The following STXBP4 variants were observed in gnomAD, a reference collection of about 807,000 sequenced individuals.
STXBP4 encodes the protein syntaxin binding protein 4.
A neutral mutation model predicts 76.1 loss-of-function variants in STXBP4; 55 were observed. That is an observed-to-expected ratio of 0.72 (90% CI 0.58 to 0.91). The LOEUF (loss-of-function observed/expected upper bound fraction) is 0.91. Ranked by LOEUF, STXBP4 falls within the 40% of genes least tolerant of loss-of-function variation. The pLI, the probability that STXBP4 is intolerant of heterozygous loss-of-function variation, is 0.00. For synonymous variants in STXBP4, 201 were observed against 220.2 expected (o/e 0.91, Z 0.77); for missense variants, 618 against 636.9 (o/e 0.97, Z 0.32).
chr17:55,200,167 A>T, the STXBP4 span, among the ~76,000 whole-genome samples: 2 of 152,212 alleles, frequency 1.3e-5, no homozygotes, highest in African/African-American at 4.8e-5. Flanking sequence ...GTAGAGCTTA[A>T]GTTACCTTTG....
intron 9 of STXBP4, among the ~76,000 whole-genome samples, chr17:55,033,426 C>G (rs2078545376): frequency 6.6e-6 from 1 of 152,028 alleles, no homozygotes; most frequent in South Asian, 2.1e-4. Context: ...CAGGTAAACT[C>G]TCATAACATC....
the STXBP4 span, among the ~76,000 whole-genome samples, chr17:55,211,589 A>G: frequency 6.6e-6 from 1 of 152,090 alleles, no homozygotes; most frequent in South Asian, 2.1e-4. Context: ...CTTACCTAAA[A>G]GTTAAGGTAG....
rs137888903 is a variant in STXBP4 at position 54,992,320 on chromosome 17, G to A, written c.180+1363G>A. On this transcript the variant is annotated intron_variant, in intron 4 of 17. Coordinates refer to ENST00000376352, the MANE Select transcript of STXBP4 (RefSeq NM_178509.6). ...GTAGTCCCAGGTACTTGGAGGCTGAGGTGGGAGTATTGCTTGAGCCCCGAA... is the reference window on the plus strand; with the variant it reads ...GTAGTCCCAGGTACTTGGAGGCTGAAGTGGGAGTATTGCTTGAGCCCCGAA... Among the ~76,000 whole-genome samples the A allele has an allele frequency of 2.0e-5, 3 of 151,796 alleles. No individual in the cohort carries two copies. In the East Asian group the frequency reaches 5.8e-4, roughly 30 times the overall value.
intron 8 of STXBP4, among the ~76,000 whole-genome samples, chr17:55,009,407 A>G (rs2078065728): frequency 6.6e-6 from 1 of 152,222 alleles, no homozygotes; most frequent in Non-Finnish European, 1.5e-5. Context: ...CTTCTGGATA[A>G]GGAGAAATTT....
intron 8 of STXBP4, among the ~76,000 whole-genome samples, chr17:55,026,179 A>G (rs946698688): frequency 1.2e-4 from 19 of 152,222 alleles, no homozygotes; most frequent in Non-Finnish European, 2.6e-4. Flanking sequence ...TAAGATAGCA[A>G]TACTCCCCAC....
At chr17:55,113,428 C>T (rs1361415765) in intron 16 of STXBP4, among the ~76,000 whole-genome samples, 1 of 152,052 alleles carries the variant, frequency 6.6e-6, no homozygotes, top group East Asian at 1.9e-4. Flanking sequence ...TATACTGATC[C>T]TGTAACATAT....
the STXBP4 span, among the ~76,000 whole-genome samples, chr17:55,190,802 A>G: frequency 6.6e-6 from 1 of 152,202 alleles, no homozygotes; most frequent in Non-Finnish European, 1.5e-5. Flanking sequence ...CAAGGCATTA[A>G]TGTAATACAG....
rs1475799764 is a variant in STXBP4, at chr17:55,171,373, A to T, written c.*11462A>T. The T allele has an allele frequency of 6.6e-6, 1 of 152,206 alleles. No individual in the cohort carries two copies. Among genetic ancestry groups the T allele is most frequent in the Non-Finnish European group, 1.5e-5 (1 of 68,020 alleles). 9.4% of individuals were successfully genotyped at this position (152,206 alleles called of 1,614,324 possible). A position where few individuals can be genotyped will look rare whatever the true frequency, so the allele number is the denominator to read the frequency against. On this transcript the variant is annotated 3_prime_UTR_variant, in exon 18 of 18. Transcript: ENST00000376352. The stretch of plus-strand genomic sequence containing the variant: ...AATAGCTCATCAAGATTTTGCTTAG[A>T]TATTCTTATTGAGGGGGAACTTACT...
intron 8 of STXBP4, among the ~76,000 whole-genome samples, chr17:55,030,557 C>G (rs2144675628): frequency 6.6e-6 from 1 of 152,220 alleles, no homozygotes; most frequent in Non-Finnish European, 1.5e-5. Flanking sequence ...TACTAAGGAG[C>G]AAGGAGAGAA....
chr17:55,193,799 C>G, the STXBP4 span, among the ~76,000 whole-genome samples: 1 of 130,898 alleles, frequency 7.6e-6, no homozygotes, highest in African/African-American at 3.0e-5. Flanking sequence ...TTTGCCTTAA[C>G]CAAGACCTGA....
At chr17:55,111,360 G>A (rs189553274) in intron 16 of STXBP4, among the ~76,000 whole-genome samples, 1 of 152,136 alleles carries the variant, frequency 6.6e-6, no homozygotes, top group East Asian at 1.9e-4. Context: ...TAGTGTTTTT[G>A]TAGTTCTTTA....
chr17:55,162,934 T>A lies in STXBP4; in HGVS notation c.*3023T>A, dbSNP rs937766415. 20 of 152,220 alleles carry A rather than the reference T, an allele frequency of 1.3e-4. No individual in the cohort carries two copies. The highest frequency in any genetic ancestry group is 2.5e-4 in the Non-Finnish European group (17 of 68,046). The allele number at this position is 152,220 out of a possible 1,614,324, so 9.4% of individuals were successfully genotyped here. A position where few individuals can be genotyped will look rare whatever the true frequency, so the allele number is the denominator to read the frequency against. On this transcript the variant is annotated 3_prime_UTR_variant, in exon 18 of 18. Transcript: ENST00000376352. ...TTATTGAACACTAAAATGTTTTAAG[T>A]TTTCTTATTGCTAACAATGTCACAG... is the stretch of plus-strand genomic sequence containing the variant.
At chr17:54,974,326 G>T (rs1304130435) in intron 1 of STXBP4, among the ~76,000 whole-genome samples, 2 of 152,174 alleles carry the variant, frequency 1.3e-5, no homozygotes, top group Non-Finnish European at 2.9e-5. Context: ...AAAAGGCAGG[G>T]TAATCATTGT....
chr17:55,194,950 C>T, the STXBP4 span, among the ~76,000 whole-genome samples: 8 of 152,296 alleles, frequency 5.3e-5, no homozygotes. Context: ...GAAACCTAGA[C>T]ATCAAGTACT....
At chr17:55,079,828 G>A (rs2628304) in intron 15 of STXBP4, among the ~76,000 whole-genome samples, 108,810 of 151,946 alleles carry the variant, frequency 0.72, 39,191 homozygotes, top group East Asian at 0.9. Flanking sequence ...AGCTTAATAA[G>A]TGAAGATATT....
rs1479997564 is a variant in STXBP4, at chr17:55,172,902, T to C, written c.*12991T>C. The C allele has an allele frequency of 6.6e-6, 1 of 152,164 alleles. No individual in the cohort carries two copies. Among genetic ancestry groups the C allele is most frequent in the African/African-American group, 2.4e-5 (1 of 41,432 alleles). The allele number at this position is 152,164 out of a possible 1,614,324, so 9.4% of individuals were successfully genotyped here. ...GTTCTAGTTACCTGCTGTGAAGGAC[T>C]GTAGAGGTTATCTAAGCCAGCTCCT... is the stretch of plus-strand genomic sequence containing the variant. On this transcript the variant is annotated 3_prime_UTR_variant, in exon 18 of 18. Coordinates refer to ENST00000376352, the MANE Select transcript of STXBP4 (RefSeq NM_178509.6).
In STXBP4 at chr17:54,999,840, G is replaced by A; in HGVS notation, c.496G>A (p.Glu166Lys). 2 of 1,605,416 alleles carry A rather than the reference G, an allele frequency of 1.2e-6. No homozygotes were observed. Among genetic ancestry groups the A allele is most frequent in the Non-Finnish European group, 1.7e-6 (2 of 1,173,866 alleles). ...AAATAATGACATTTTATCTTCTTGT[G>A]AGGTAAGTCAGGTAATCTTAAATTT... ...KTNNDILSSC[E>K]IKTGYNKTVQ... Residue 166 changes from glutamate (E) to lysine (K), a missense_variant and splice_region_variant, in exon 6 of 18, where the codon GAG (glutamate) becomes AAG (lysine). Glu to Lys is a moderately conservative substitution (Grantham distance 56). Coordinates refer to ENST00000376352, the MANE Select transcript of STXBP4 (RefSeq NM_178509.6).
chr17:55,113,654 T>G (rs1379674140), intron 16 of STXBP4, among the ~76,000 whole-genome samples: 1 of 152,124 alleles, frequency 6.6e-6, no homozygotes, highest in Admixed American at 6.6e-5. Flanking sequence ...GTGTTAAACT[T>G]TATTTTTGTT....
intron 8 of STXBP4, among the ~76,000 whole-genome samples, chr17:55,026,867 G>C (rs1049136219): frequency 1.3e-5 from 2 of 152,132 alleles, no homozygotes; most frequent in Non-Finnish European, 2.9e-5. Flanking sequence ...AGTATGCTGC[G>C]GCCTCAGGCA....
Sources: allele counts gnomAD v4.1 joint callset (sites outside exome capture counted in the v4.1 genomes callset), GRCh38; gene constraint gnomAD v4.1.1; transcripts MANE v1.5; gene names NCBI Gene and HGNC (gene_info 2026-07-23, HGNC 2026-07-21).